Variants in SEMA4F observed in about 807,000 individuals in gnomAD.
SEMA4F encodes the protein semaphorin-4F.
A neutral mutation model predicts 78.4 loss-of-function variants in SEMA4F; 51 were observed. That is an observed-to-expected ratio of 0.65 (90% CI 0.52 to 0.82). SEMA4F has a LOEUF of 0.82. SEMA4F is among the 40% of genes least tolerant of loss of function. The probability of loss-of-function intolerance (pLI) is 0.00; values close to 1 mark genes in which losing one functional copy is unlikely to be tolerated. For synonymous variants in SEMA4F, 418 were observed against 408.7 expected (o/e 1.02, Z -0.27); for missense variants, 938 against 1,014.4 (o/e 0.92, Z 1.02).
At chr2:74,689,910 G>A in the SEMA4F span, among the ~76,000 whole-genome samples, 2 of 152,202 alleles carry the variant, frequency 1.3e-5, no homozygotes, top group African/African-American at 4.8e-5. Context: ...AAATGACCGA[G>A]CAGCCTCCTG....
intron 2 of SEMA4F, 125 bp downstream of exon 2, chr2:74,656,810 T>C: frequency 2.1e-6 from 2 of 956,044 alleles, no homozygotes. Context: ...TAGGAGGGGG[T>C]GAGTTGGGAG....
At chr2:74,688,251 G>T (rs192076025), downstream of SEMA4F, among the ~76,000 whole-genome samples, 1 of 152,128 alleles carries the variant, frequency 6.6e-6, no homozygotes, top group Non-Finnish European at 1.5e-5. Flanking sequence ...ATCAACTTCC[G>T]AGAACTGGGT....
Position 74,658,161 on chromosome 2 carries a change from T to G in SEMA4F, c.456+210T>G, listed in dbSNP as rs1684255841. Among the ~76,000 whole-genome samples, 1 of 152,070 alleles carries G rather than the reference T, an allele frequency of 6.6e-6. No individual in the cohort carries two copies. Among genetic ancestry groups the G allele is most frequent in the Non-Finnish European group, 1.5e-5 (1 of 68,000 alleles). On this transcript the variant is annotated intron_variant, in intron 4 of 13. Transcript: ENST00000357877. This position sits in a 1 kb window ranked among gnomAD's most constrained non-coding sequence, Gnocchi z 4.3. ...GCCACTGAGGGAGGGAAAGGGAGGT[T>G]GTCTGGAGAGGGTAAGATATACAAA...
At chr2:74,656,310 A>G (rs892261215) in intron 1 of SEMA4F, among the ~76,000 whole-genome samples, 1 of 152,086 alleles carries the variant, frequency 6.6e-6, no homozygotes, top group Non-Finnish European at 1.5e-5. Context: ...GTGTCCAGCT[A>G]GTGCTCTATT....
chr2:74,679,831 A>C lies in SEMA4F; in HGVS notation c.1935A>C (p.Val645=). The C allele has an allele frequency of 1.2e-6, 2 of 1,614,144 alleles. No individual in the cohort carries two copies. The highest frequency in any genetic ancestry group is 1.7e-6 in the Non-Finnish European group (2 of 1,179,994). Residue 645 remains valine (V), a synonymous_variant, in exon 14 of 14, where the codon GTA becomes GTC. Coordinates refer to ENST00000357877, the MANE Select transcript of SEMA4F (RefSeq NM_004263.5). ...AAHVVAAYSL[V]WGSQRDAPSR... is the part of the protein sequence containing the mutation. ...ATGTGGTAGCAGCTTACAGCTTGGT[A>C]TGGGGCAGCCAGCGAGATGCTCCGA...
rs193092266 is a variant in SEMA4F at position 74,665,940 on chromosome 2, C to T, written c.550+3115C>T. 6.7e-3 allele frequency among the ~76,000 whole-genome samples: 1,013 copies of T among 150,222 alleles called. 8 individuals carry two copies. Among genetic ancestry groups the T allele is most frequent in the Middle Eastern group, 0.027 (8 of 294 alleles). On this transcript the variant is annotated intron_variant, in intron 5 of 13. Coordinates refer to ENST00000357877, the MANE Select transcript of SEMA4F (RefSeq NM_004263.5). ...TTTGTTTTTTTGAGACGGAGTCTCG[C>T]TCTGTCGCCCAGGCTGGAATGCAGT...
the SEMA4F span, among the ~76,000 whole-genome samples, chr2:74,706,936 C>A: frequency 6.6e-6 from 1 of 152,100 alleles, no homozygotes; most frequent in Admixed American, 6.6e-5. Context: ...AGGCAGTGAC[C>A]AAGCAGGATC....
chr2:74,669,674 C>G (rs529207794), intron 5 of SEMA4F, among the ~76,000 whole-genome samples: 4 of 152,242 alleles, frequency 2.6e-5, no homozygotes, highest in African/African-American at 9.6e-5. Context: ...TGTAACTCTC[C>G]TTTAAAAGGA....
chr2:74,654,383 G>A lies in SEMA4F; in HGVS notation c.7G>A (p.Ala3Thr). 2.0e-6 allele frequency: 3 copies of A among 1,508,796 alleles called. No individual in the cohort carries two copies. The highest frequency in any genetic ancestry group is 2.6e-6 in the Non-Finnish European group (3 of 1,136,654). 93.5% of individuals were successfully genotyped at this position (1,508,796 alleles called of 1,614,324 possible). A position where few individuals can be genotyped will look rare whatever the true frequency, so the allele number is the denominator to read the frequency against. The change falls in exon 1 of 14, where the codon GCC becomes ACC. Residue 3 changes from alanine (A) to threonine (T), a missense_variant. Ala to Thr is a moderately conservative substitution (Grantham distance 58, BLOSUM62 0). Transcript: ENST00000357877. MP[A>T]SAARPRPGPG... ...CGGCCAGGCGGAGCCAAAGATGCCG[G>A]CCTCTGCTGCGCGGCCCCGCCCGGG...
At chr2:74,667,212 C>A (rs1684741078) in intron 5 of SEMA4F, among the ~76,000 whole-genome samples, 1 of 152,180 alleles carries the variant, frequency 6.6e-6, no homozygotes, top group African/African-American at 2.4e-5. Flanking sequence ...ATTATACATT[C>A]AAATTTTAAA....
In SEMA4F at chr2:74,682,207, G is replaced by C. The variant is rs1685653406; in HGVS notation, c.*1998G>C. 6.6e-6 allele frequency: 1 copy of C among 152,248 alleles called. No homozygotes were observed. The highest frequency in any genetic ancestry group is 2.4e-5 in the African/African-American group (1 of 41,446). The allele number at this position is 152,248 out of a possible 1,614,324, so 9.4% of individuals were successfully genotyped here. ...CAAGGCAGGTGGATCACAAGGTCAG[G>C]AGATCGAGACCATTCTGGCTAACAC... On this transcript the variant is annotated 3_prime_UTR_variant, in exon 14 of 14. Coordinates refer to ENST00000357877, the MANE Select transcript of SEMA4F (RefSeq NM_004263.5).
In SEMA4F at chr2:74,658,181, T is replaced by C. The variant is rs1005014835; in HGVS notation, c.456+230T>C. Among the ~76,000 whole-genome samples, 1 of 152,252 alleles carries C rather than the reference T, an allele frequency of 6.6e-6. No homozygotes were observed. The highest frequency in any genetic ancestry group is 6.5e-5 in the Admixed American group (1 of 15,284). ...GAGGTTGTCTGGAGAGGGTAAGATA[T>C]ACAAAGTGTGAAGAGAGACATAGTG... On this transcript the variant is annotated intron_variant, in intron 4 of 13. Coordinates refer to ENST00000357877, the MANE Select transcript of SEMA4F (RefSeq NM_004263.5). The surrounding 1 kb of genome is among the most constrained non-coding windows in gnomAD (Gnocchi z 4.3).
rs550799027 is a variant in SEMA4F, at chr2:74,682,061, A to G, written c.*1852A>G. On this transcript the variant is annotated 3_prime_UTR_variant, in exon 14 of 14. Transcript: ENST00000357877. ...AATAAAGACCTGTCTGTACCAATAG[A>G]TGTTGTTATTGCAAAAATGGGCTTA... 1.3e-5 allele frequency: 2 copies of G among 152,362 alleles called. No individual in the cohort carries two copies. The highest frequency in any genetic ancestry group is 3.9e-4 in the East Asian group (2 of 5,178). 9.4% of individuals were successfully genotyped at this position (152,362 alleles called of 1,614,324 possible). A position where few individuals can be genotyped will look rare whatever the true frequency, so the allele number is the denominator to read the frequency against.
At position 74,665,238 on chromosome 2, in the gene SEMA4F, T is replaced by G. The variant is rs539252567; in HGVS notation, c.550+2413T>G. On this transcript the variant is annotated intron_variant, in intron 5 of 13. Transcript: ENST00000357877. ...TAAATCACTCTTTTTCTTTTTTTTT[T>G]TTTTTTTTTGAGACAGAGTCTTGAT... is the stretch of plus-strand genomic sequence containing the variant. Among the ~76,000 whole-genome samples, 67 of 150,372 alleles carry G rather than the reference T, an allele frequency of 4.5e-4. No homozygotes were observed. The East Asian group carries it at 0.012, about 27-fold the overall frequency.
intron 5 of SEMA4F, among the ~76,000 whole-genome samples, chr2:74,665,902 GT>G (rs1203822562): frequency 0.09 from 12,249 of 135,804 alleles, 1,190 homozygotes; most frequent in African/African-American, 0.29. Context: ...AGTAATTTTT[GT>G]TTTTTTTTTT....
the SEMA4F span, among the ~76,000 whole-genome samples, chr2:74,701,285 TACCCAGCCTGGG>T: frequency 6.6e-6 from 1 of 152,188 alleles, no homozygotes; most frequent in Admixed American, 6.5e-5. Flanking sequence ...CTTCCTTCCT[TACCCAGCCTGGG>T]ACCCACTAGC....
the SEMA4F span, among the ~76,000 whole-genome samples, chr2:74,701,462 A>G: frequency 2.0e-5 from 3 of 152,200 alleles, no homozygotes; most frequent in African/African-American, 7.2e-5. Flanking sequence ...GAGTGGTTCC[A>G]GAACAAATTT....
Position 74,681,538 on chromosome 2 carries a change from T to C in SEMA4F, c.*1329T>C, listed in dbSNP as rs1216462596. 1 of 152,750 alleles carries C rather than the reference T, an allele frequency of 6.5e-6. No homozygotes were observed. The highest frequency in any genetic ancestry group is 1.9e-4 in the East Asian group (1 of 5,198). 9.5% of individuals were successfully genotyped at this position (152,750 alleles called of 1,614,324 possible). On this transcript the variant is annotated 3_prime_UTR_variant, in exon 14 of 14. Coordinates refer to ENST00000357877, the MANE Select transcript of SEMA4F (RefSeq NM_004263.5). ...AAAGGTTGCTGGGTCTGGAAGACTG[T>C]TGTGGCCTCTCAGTTCTCTTTGAGT...
chr2:74,675,232 T>A lies in SEMA4F; in HGVS notation c.1220T>A (p.Phe407Tyr). 1 of 1,614,190 alleles carries A rather than the reference T, an allele frequency of 6.2e-7. No individual in the cohort carries two copies. The highest frequency in any genetic ancestry group is 2.2e-5 in the East Asian group (1 of 44,886). ...TCCCTGCCTGACCGCGTACTCACCTTCATCCGGGACCACCCACTCATGGAC... is the reference window on the plus strand; with the variant it reads ...TCCCTGCCTGACCGCGTACTCACCTACATCCGGGACCACCCACTCATGGAC... Reference protein sequence around the residue: ...SLSLPDRVLTFIRDHPLMDRP... With the variant: ...SLSLPDRVLTYIRDHPLMDRP... The change falls in exon 10 of 14, where the codon TTC (phenylalanine) becomes TAC (tyrosine). Residue 407 changes from phenylalanine (F) to tyrosine (Y), a missense_variant. By Grantham distance (22) the Phe-to-Tyr change is conservative. Coordinates refer to ENST00000357877, the MANE Select transcript of SEMA4F (RefSeq NM_004263.5).
Sources: gnomAD v4.1 joint callset for allele counts (sites outside exome capture counted in the v4.1 genomes callset) on GRCh38, gnomAD v4.1.1 for gene constraint, Gnocchi (gnomAD v3.1) non-coding constraint, MANE v1.5 for transcripts, NCBI Gene and HGNC (gene_info 2026-07-23, HGNC 2026-07-21) for gene names.